Variants in MSH3 observed in about 807,000 individuals in gnomAD.
The protein encoded by MSH3 is mutS homolog 3, also known as DNA mismatch repair protein Msh3.
Under a neutral mutation model 123.3 loss-of-function variants are expected in MSH3, and 106 were observed. The ratio of observed to expected loss-of-function variants is 0.86; its 90% CI spans 0.73 to 1.01. MSH3 has a LOEUF of 1.01. Among genes scored for constraint, MSH3 ranks in the 50% least tolerant of loss-of-function variants. The pLI, the probability that MSH3 is intolerant of heterozygous loss-of-function variation, is 0.00. For synonymous variants in MSH3, 515 were observed against 481.4 expected (o/e 1.07, Z -0.91); for missense variants, 1,459 against 1,347.6 (o/e 1.08, Z -1.29).
Position 80,829,521 on chromosome 5 carries a change from G to A in MSH3, c.2813+15780G>A, listed in dbSNP as rs1340952891. ...TGTGATTTTTCTTCTTTAGCCAGTT[G>A]ATGTGATGGATTATGTTAACTGGTG... is the stretch of plus-strand genomic sequence containing the variant. On this transcript the variant is annotated intron_variant, in intron 20 of 23. Transcript: ENST00000265081. Among the ~76,000 whole-genome samples, 3 of 152,192 alleles carry A rather than the reference G, an allele frequency of 2.0e-5. No homozygotes were observed. The East Asian group carries it at 5.8e-4, about 29-fold the overall frequency.
intron 22 of MSH3, among the ~76,000 whole-genome samples, chr5:80,868,651 A>G (rs1006837474): frequency 6.8e-6 from 1 of 146,742 alleles, no homozygotes; most frequent in African/African-American, 2.5e-5. Flanking sequence ...AGGATCAGGA[A>G]GAATAACTAA....
In MSH3 at chr5:80,654,872, C is replaced by G. The variant is rs775307118; in HGVS notation, c.145C>G (p.Pro49Ala). 1.1e-5 allele frequency: 17 copies of G among 1,561,424 alleles called. No individual in the cohort carries two copies. The highest frequency in any genetic ancestry group is 3.5e-5 in the Admixed American group (2 of 57,790). ...CACAGGTGCAGCCGACCAGGTGGAC[C>G]CTGGCGCTGCAGCGGCTGCAGCGGC... ...SSTGAADQVD[P>A]GAAAAAAAAA... is the part of the protein sequence containing the mutation. The change falls in exon 1 of 24, where the codon CCT (proline) becomes GCT (alanine). Residue 49 changes from proline to alanine, a missense_variant. Pro to Ala is a conservative substitution (Grantham distance 27). Coordinates refer to ENST00000265081, the MANE Select transcript of MSH3 (RefSeq NM_002439.5).
intron 20 of MSH3, among the ~76,000 whole-genome samples, chr5:80,817,715 G>A (rs900418006): frequency 6.6e-6 from 1 of 152,084 alleles, no homozygotes; most frequent in Non-Finnish European, 1.5e-5. Context: ...AGGTAACGGG[G>A]AAGTTTCTCT....
intron 20 of MSH3, among the ~76,000 whole-genome samples, chr5:80,853,333 G>A (rs1013116809): frequency 6.6e-6 from 1 of 152,236 alleles, no homozygotes; most frequent in East Asian, 1.9e-4. Flanking sequence ...ATGTTAGCCA[G>A]GTGTGGTGGC....
chr5:80,728,950 T>C lies in MSH3; in HGVS notation c.1553T>C (p.Met518Thr), dbSNP rs1323813414. The C allele has an allele frequency of 1.9e-6, 3 of 1,598,134 alleles. No homozygotes were observed. The South Asian group carries it at 3.3e-5, about 18-fold the overall frequency. ...CTCAAAGAATTCAACTTGGAAAAGATGCTCTCCAAACCTGAGTAAGTGATT... is the reference window on the plus strand; with the variant it reads ...CTCAAAGAATTCAACTTGGAAAAGACGCTCTCCAAACCTGAGTAAGTGATT... ...KYLKEFNLEK[M>T]LSKPENFKQL... Residue 518 changes from methionine to threonine, a missense_variant, in exon 10 of 24, where the codon ATG (methionine) becomes ACG (threonine). Met to Thr is a moderately conservative substitution (Grantham distance 81). Coordinates refer to ENST00000265081, the MANE Select transcript of MSH3 (RefSeq NM_002439.5).
chr5:80,757,362 A>G (rs1743944799), intron 12 of MSH3, among the ~76,000 whole-genome samples: 1 of 152,138 alleles, frequency 6.6e-6, no homozygotes, highest in South Asian at 2.1e-4. Context: ...TTAAGTTTGA[A>G]TTATAGAGGC....
rs1749294743 is a variant in MSH3, at chr5:80,656,544, G to C, written c.358+13G>C. ...TCTGGCAACTCTGGTGAGTTGTGGG[G>C]GATTCTTTTTTCTCCTCAGTCATGG... On this transcript the variant is annotated intron_variant, in intron 2 of 23. Transcript: ENST00000265081. The C allele has an allele frequency of 6.2e-7, 1 of 1,613,980 alleles. No individual in the cohort carries two copies. The highest frequency in any genetic ancestry group is 1.3e-5 in the African/African-American group (1 of 75,034).
At chr5:80,688,715 T>A (rs1750152753) in intron 8 of MSH3, among the ~76,000 whole-genome samples, 1 of 151,554 alleles carries the variant, frequency 6.6e-6, no homozygotes, top group Non-Finnish European at 1.5e-5. Flanking sequence ...CTAATGTCAT[T>A]TGAATTAAAC....
intron 23 of MSH3, among the ~76,000 whole-genome samples, chr5:80,873,990 C>T (rs976376359): frequency 2.6e-5 from 4 of 152,172 alleles, no homozygotes; most frequent in Admixed American, 2.6e-4. Context: ...CATCCACCTA[C>T]TGCCCCACCC....
At chr5:80,737,694 G>T (rs1166265661) in intron 10 of MSH3, among the ~76,000 whole-genome samples, 1 of 152,120 alleles carries the variant, frequency 6.6e-6, no homozygotes, top group East Asian at 1.9e-4. Flanking sequence ...AATTCTAATG[G>T]AAATAGGTGC....
chr5:80,671,393 A>G (rs1416432615), intron 4 of MSH3, among the ~76,000 whole-genome samples: 1 of 152,156 alleles, frequency 6.6e-6, no homozygotes, highest in Non-Finnish European at 1.5e-5. Context: ...CAAGTTTCCT[A>G]AATCCTCTGT....
chr5:80,673,939 T>G (rs1200857855), intron 6 of MSH3, among the ~76,000 whole-genome samples: 1 of 152,324 alleles, frequency 6.6e-6, no homozygotes, highest in East Asian at 1.9e-4. Flanking sequence ...TAAATGATAC[T>G]GTGTGAAAGT....
intron 8 of MSH3, among the ~76,000 whole-genome samples, chr5:80,693,710 T>G (rs1395687198): frequency 6.6e-6 from 1 of 151,796 alleles, no homozygotes; most frequent in African/African-American, 2.4e-5. Context: ...CAGGCTGGAG[T>G]GCAGTAGCAC....
chr5:80,838,608 A>T (rs1745559959), intron 20 of MSH3, among the ~76,000 whole-genome samples: 1 of 152,182 alleles, frequency 6.6e-6, no homozygotes, highest in South Asian at 2.1e-4. Context: ...AACTTAATCT[A>T]ATGGACTTTT....
At position 80,872,253 on chromosome 5, in the gene MSH3, T is replaced by G. The variant is rs1000045531; in HGVS notation, c.3131-863T>G. Among the ~76,000 whole-genome samples the G allele has an allele frequency of 3.9e-5, 6 of 152,226 alleles. No homozygotes were observed. In the East Asian group the frequency reaches 1.2e-3, roughly 29 times the overall value. On this transcript the variant is annotated intron_variant, in intron 22 of 23. Transcript: ENST00000265081. ...GGGAGGCCAAGGTGGGTGGACCACT[T>G]GTGCCCAGAAGTTCGAGAGCAGCCT...
chr5:80,819,434 A>G (rs1190291289), intron 20 of MSH3, among the ~76,000 whole-genome samples: 11 of 92,740 alleles, frequency 1.2e-4, no homozygotes, highest in African/African-American at 3.3e-4. Context: ...ATGTGTGTGT[A>G]TATATATGTA....
intron 6 of MSH3, among the ~76,000 whole-genome samples, chr5:80,673,354 C>T (rs532226764): frequency 9.9e-5 from 15 of 152,190 alleles, no homozygotes; most frequent in African/African-American, 3.6e-4. Flanking sequence ...CATGGCAAAA[C>T]CCCATCTCCA....
intron 17 of MSH3, 83 bp from the exon 18 acceptor site, chr5:80,787,482 T>C: frequency 1.1e-6 from 1 of 881,512 alleles, no homozygotes; most frequent in Non-Finnish European, 1.9e-6. Flanking sequence ...CACTAGCTGA[T>C]AAAGTGATTG....
intron 12 of MSH3, among the ~76,000 whole-genome samples, chr5:80,758,297 A>C (rs902719119): frequency 1.3e-5 from 2 of 152,190 alleles, no homozygotes; most frequent in Non-Finnish European, 1.5e-5. Context: ...TGTTCTTTGT[A>C]GTGTCTACTA....
Sources: allele counts gnomAD v4.1 joint callset (sites outside exome capture counted in the v4.1 genomes callset), GRCh38; gene constraint gnomAD v4.1.1; transcripts MANE v1.5; gene names NCBI Gene and HGNC (gene_info 2026-07-23, HGNC 2026-07-21).